ZNF469: variants seen among roughly 807,000 people sequenced by gnomAD.
ZNF469 encodes the protein zinc finger protein 469.
ZNF469 carries 1 observed loss-of-function variant against 1.0 expected under a neutral mutation model. That is an observed-to-expected ratio of 1.00 (90% CI 0.35 to 4.73). ZNF469 has a LOEUF of 4.73. ZNF469 is among the 30% of genes most tolerant of loss of function. The pLI is 0.16. For synonymous variants in ZNF469, 2,703 were observed against 2,363.4 expected (o/e 1.14, Z -4.17); for missense variants, 6,100 against 5,356.3 (o/e 1.14, Z -4.33).
chr16:88,401,498 G>A (rs1904854183), intron 1 of ZNF469, among the ~76,000 whole-genome samples: 1 of 151,610 alleles, frequency 6.6e-6, no homozygotes, highest in East Asian at 1.9e-4. Context: ...TGGATGCTGG[G>A]GTGGGTGGAT....
chr16:88,157,084 C>A, the ZNF469 span, among the ~76,000 whole-genome samples: 2 of 152,208 alleles, frequency 1.3e-5, no homozygotes, highest in Non-Finnish European at 2.9e-5. Context: ...CAGGGATGCC[C>A]CTCCCCTCTG....
At chr16:88,236,348 T>C in the ZNF469 span, among the ~76,000 whole-genome samples, 1 of 152,274 alleles carries the variant, frequency 6.6e-6, no homozygotes, top group African/African-American at 2.4e-5. Context: ...AGACTCGGGT[T>C]GGAATTTGGT....
the ZNF469 span, among the ~76,000 whole-genome samples, chr16:88,159,588 C>G: frequency 0.56 from 85,942 of 152,164 alleles, 28,275 homozygotes; most frequent in Non-Finnish European, 0.75. Context: ...CCCGCATTCT[C>G]GTCTCTAAAT....
chr16:88,234,251 G>A, the ZNF469 span, among the ~76,000 whole-genome samples: 1 of 152,242 alleles, frequency 6.6e-6, no homozygotes, highest in South Asian at 2.1e-4. Context: ...ATGCAGGCAC[G>A]TGGGTCGTGG....
chr16:88,166,380 A>G, the ZNF469 span, among the ~76,000 whole-genome samples: 2 of 152,006 alleles, frequency 1.3e-5, no homozygotes, highest in Admixed American at 6.6e-5. The surrounding 1 kb of genome is among the most constrained non-coding windows in gnomAD (Gnocchi z 4.5). Flanking sequence ...TTTTAGCTCA[A>G]TTTCATTAGC....
At chr16:88,206,042 C>T in the ZNF469 span, among the ~76,000 whole-genome samples, 1 of 152,168 alleles carries the variant, frequency 6.6e-6, no homozygotes, top group Admixed American at 6.5e-5. Context: ...CCTGCAGCCC[C>T]CAGGGAGAGA....
At chr16:88,373,611 C>T in the ZNF469 span, among the ~76,000 whole-genome samples, 2 of 152,310 alleles carry the variant, frequency 1.3e-5, no homozygotes, top group Non-Finnish European at 2.9e-5. Flanking sequence ...CCAACATTCT[C>T]AGATGCTCCA....
At chr16:88,193,039 GTGGTGGTGATGATGGTGA>G in the ZNF469 span, among the ~76,000 whole-genome samples, 1 of 132,308 alleles carries the variant, frequency 7.6e-6, no homozygotes. Flanking sequence ...GGTGGTGATG[GTGGTGGTGATGATGGTGA>G]TGGTGGTGAT....
the ZNF469 span, among the ~76,000 whole-genome samples, chr16:88,281,779 A>G: frequency 7.3e-5 from 11 of 150,132 alleles, no homozygotes; most frequent in South Asian, 2.3e-3. Flanking sequence ...ACTGTGCCAC[A>G]CCGATGCTTG....
intron 1 of ZNF469, among the ~76,000 whole-genome samples, chr16:88,405,652 G>A (rs974799397): frequency 6.6e-6 from 1 of 152,202 alleles, no homozygotes; most frequent in South Asian, 2.1e-4. Flanking sequence ...AGAGCAGAGG[G>A]TGCAGCTGGG....
chr16:88,396,551 C>T (rs971598778), intron 1 of ZNF469, among the ~76,000 whole-genome samples: 1 of 149,846 alleles, frequency 6.7e-6, no homozygotes, highest in Non-Finnish European at 1.5e-5. Context: ...GGAGGAGACC[C>T]TCCTGAAGGG....
chr16:88,330,877 T>G, the ZNF469 span, among the ~76,000 whole-genome samples: 33,125 of 152,092 alleles, frequency 0.22, 3,717 homozygotes, highest in African/African-American at 0.23. Context: ...CAGCAAATGG[T>G]TTGTGCAGAC....
chr16:88,151,001 CT>C, the ZNF469 span, among the ~76,000 whole-genome samples: 1 of 152,146 alleles, frequency 6.6e-6, no homozygotes, highest in South Asian at 2.1e-4. The surrounding 1 kb of genome is among the most constrained non-coding windows in gnomAD (Gnocchi z 5.4). Context: ...GAAGAAAGTG[CT>C]TATGTATAAT....
rs75165366 is a variant in ZNF469 at position 88,401,193 on chromosome 16, C to T, written c.-192+17939C>T. Among the ~76,000 whole-genome samples, 4 of 152,332 alleles carry T rather than the reference C, an allele frequency of 2.6e-5. No individual in the cohort carries two copies. The East Asian group carries it at 7.7e-4, about 29-fold the overall frequency. On this transcript the variant is annotated intron_variant, in intron 1 of 2. Coordinates refer to ENST00000565624, the MANE Select transcript of ZNF469 (RefSeq NM_001367624.2). ...ACCAAGAGTAAATGCAAGAGAGGGG[C>T]AACTTATCTCTTCTCCCAGCATTGG...
rs1219488597 is a variant in ZNF469 at position 88,426,009 on chromosome 16, T to G, written c.-127+1138T>G. Reference sequence around the variant, plus strand: ...CCAGCCGGAAGTACAGGTACCAACCTCGTGCTGGGGACAGAGGGCCTGCCA... The same window carrying G: ...CCAGCCGGAAGTACAGGTACCAACCGCGTGCTGGGGACAGAGGGCCTGCCA... On this transcript the variant is annotated intron_variant, in intron 2 of 2. Coordinates refer to ENST00000565624, the MANE Select transcript of ZNF469 (RefSeq NM_001367624.2). Among the ~76,000 whole-genome samples the G allele has an allele frequency of 2.6e-5, 4 of 152,210 alleles. No homozygotes were observed. In the South Asian group the frequency reaches 6.2e-4, roughly 24 times the overall value.
intron 1 of ZNF469, among the ~76,000 whole-genome samples, 111 bp downstream of exon 1, chr16:88,383,365 C>T (rs1466227230): frequency 6.8e-6 from 1 of 147,736 alleles, no homozygotes; most frequent in Non-Finnish European, 1.5e-5. Context: ...GGCTCCCGCT[C>T]CTGCGCCCTC....
At chr16:88,228,961 G>T in the ZNF469 span, among the ~76,000 whole-genome samples, 1 of 152,326 alleles carries the variant, frequency 6.6e-6, no homozygotes, top group East Asian at 1.9e-4. Flanking sequence ...AGGCACAGCA[G>T]CCGGGCACCC....
chr16:88,438,548 T>G lies in ZNF469; in HGVS notation c.11078T>G (p.Leu3693Arg). ...GCAGCATCCACCCCCAGCAAAGCAC[T>G]CAAGTTCCCAGTGCACCCAAGGAAG... Reference protein sequence around the residue: ...RSAASTPSKALKFPVHPRKAV... With the variant: ...RSAASTPSKARKFPVHPRKAV... The change falls in exon 3 of 3, where the codon CTC becomes CGC. Residue 3693 changes from leucine (L) to arginine (R), a missense_variant. Coordinates refer to ENST00000565624, the MANE Select transcript of ZNF469 (RefSeq NM_001367624.2). The G allele has an allele frequency of 6.5e-7, 1 of 1,549,968 alleles. No individual in the cohort carries two copies. Among genetic ancestry groups the G allele is most frequent in the Non-Finnish European group, 8.7e-7 (1 of 1,146,922 alleles).
chr16:88,146,186 C>T, the ZNF469 span, among the ~76,000 whole-genome samples: 25,533 of 152,222 alleles, frequency 0.17, 2,668 homozygotes, highest in East Asian at 0.5. Context: ...ACCAGCGGCA[C>T]CACGACCCAC....
Sources: allele counts gnomAD v4.1 joint callset (sites outside exome capture counted in the v4.1 genomes callset), GRCh38; gene constraint gnomAD v4.1.1; non-coding constraint Gnocchi (gnomAD v3.1); transcripts MANE v1.5; gene names NCBI Gene and HGNC (gene_info 2026-07-23, HGNC 2026-07-21).